The following STS variants were observed in gnomAD, a reference collection of about 807,000 sequenced individuals.
The protein encoded by STS is steroid sulfatase.
In STS, 7 loss-of-function variants were observed where a neutral mutation model predicts 26.8. The observed-to-expected ratio is 0.26, with a 90% confidence interval of 0.15 to 0.49. The LOEUF is 0.49. Ranked by LOEUF, STS falls within the 20% of genes least tolerant of loss-of-function variation. STS has a pLI of 0.98. For missense variants in STS, 434 were observed against 465.6 expected, an observed-to-expected ratio of 0.93 and a Z score of 0.63; for synonymous variants, 199 against 189.4, an observed-to-expected ratio of 1.05 and a Z score of -0.42.
chrX:7,257,454 T>C lies in STS; in HGVS notation c.260-12T>C. ...CTCCTGGTTCCTAAGGGTTGATTTTTTCCTGGTCCAGGAATGGCATCTTGG... is the reference window on the plus strand; with the variant it reads ...CTCCTGGTTCCTAAGGGTTGATTTTCTCCTGGTCCAGGAATGGCATCTTGG... On this transcript the variant is annotated splice_polypyrimidine_tract_variant and intron_variant, in intron 4 of 10. Transcript: ENST00000674429. The C allele has an allele frequency of 3.3e-6, 4 of 1,212,349 alleles. No individual in the cohort carries two copies. Among genetic ancestry groups the C allele is most frequent in the Non-Finnish European group, 4.5e-6 (4 of 895,549 alleles).
intron 8 of STS, among the ~76,000 whole-genome samples, chrX:7,320,591 G>A (rs1486558802): frequency 8.9e-6 from 1 of 111,811 alleles, no homozygotes; most frequent in Non-Finnish European, 1.9e-5. Context: ...GAGTTTGATC[G>A]AGTAGCAGGA....
intron 7 of STS, among the ~76,000 whole-genome samples, chrX:7,301,503 T>C (rs1184230034): frequency 1.8e-5 from 2 of 111,811 alleles, no homozygotes; most frequent in Admixed American, 9.5e-5. Context: ...TTCCTTATTA[T>C]ATATATTATG....
chrX:7,215,140 T>C (rs748087925), intron 2 of STS, among the ~76,000 whole-genome samples: 3,595 of 58,541 alleles, frequency 0.061, 100 homozygotes, highest in African/African-American at 0.14. Context: ...CACACACACA[T>C]ATATATATAT....
chrX:7,339,134 C>G (rs1348639488), intron 10 of STS, among the ~76,000 whole-genome samples: 7 of 112,096 alleles, frequency 6.2e-5, no homozygotes, highest in African/African-American at 1.9e-4. Context: ...AAGAAATTCT[C>G]ATAACAGCCA....
intron 2 of STS, chrX:7,219,311 T>A: frequency 2.8e-6 from 2 of 719,610 alleles, no homozygotes; most frequent in Non-Finnish European, 3.6e-6. Flanking sequence ...TCAGATTGTG[T>A]CTGCATTTAT....
At chrX:7,221,325 T>C (rs1457957821) in intron 2 of STS, among the ~76,000 whole-genome samples, 1 of 112,550 alleles carries the variant, frequency 8.9e-6, no homozygotes, top group African/African-American at 3.2e-5. Flanking sequence ...TGATAGTCGA[T>C]TCATACAAAT....
rs899889673 is a variant in STS at position 7,205,747 on chromosome X, G to A, written c.-5+14739G>A. Among the ~76,000 whole-genome samples the A allele has an allele frequency of 4.7e-5, 5 of 106,538 alleles. 1 individual carries two copies. The East Asian group carries it at 8.8e-4, about 19-fold the overall frequency. The allele number at this position is 106,538 out of a possible 115,157, so 92.5% of individuals were successfully genotyped here. On this transcript the variant is annotated intron_variant, in intron 2 of 10. Coordinates refer to ENST00000674429, the MANE Select transcript of STS (RefSeq NM_001320752.2). ...AGCAATCTCTTCCTCCTGGGCTCAA[G>A]TGGTCCTCTCACACACCACCACCAT...
chrX:7,215,538 G>A (rs936049342), intron 2 of STS, among the ~76,000 whole-genome samples: 1 of 110,948 alleles, frequency 9.0e-6, no homozygotes, highest in Non-Finnish European at 1.9e-5. Context: ...GCCTGGATTG[G>A]AATCTTTCCT....
chrX:7,249,844 T>C (rs1303152162), intron 2 of STS, among the ~76,000 whole-genome samples: 1 of 111,589 alleles, frequency 9.0e-6, no homozygotes, highest in African/African-American at 3.3e-5. Flanking sequence ...ACCTGAATAT[T>C]ATATGAATGT....
chrX:7,337,107 G>A (rs777285073), intron 10 of STS, among the ~76,000 whole-genome samples: 91 of 112,013 alleles, frequency 8.1e-4, no homozygotes, highest in African/African-American at 2.8e-3. Context: ...AAAACAAGAC[G>A]TTTATGAATC....
chrX:7,217,473 C>T (rs1229271488), intron 2 of STS, among the ~76,000 whole-genome samples: 2 of 111,826 alleles, frequency 1.8e-5, no homozygotes, highest in Non-Finnish European at 3.8e-5. Context: ...TCAACACCTT[C>T]CCTCCTGAGC....
At chrX:7,219,910 T>C (rs1433811337) in intron 2 of STS, among the ~76,000 whole-genome samples, 1 of 112,633 alleles carries the variant, frequency 8.9e-6, no homozygotes, top group African/African-American at 3.2e-5. Context: ...ATGCGGCTAA[T>C]TAGTGACATG....
intron 6 of STS, among the ~76,000 whole-genome samples, chrX:7,261,524 A>C (rs1356120414): frequency 9.0e-6 from 1 of 111,729 alleles, no homozygotes; most frequent in Non-Finnish European, 1.9e-5. Flanking sequence ...TACTCTATGA[A>C]AATTATGTTG....
At chrX:7,333,857 C>A in intron 9 of STS, 129 bp from the exon 10 acceptor site, 1 of 915,833 alleles carries the variant, frequency 1.1e-6, no homozygotes, top group Non-Finnish European at 1.5e-6. Flanking sequence ...TTGCACAGGG[C>A]ACCCAGGTGG....
chrX:7,264,268 C>T lies in STS; in HGVS notation c.806+4496C>T, dbSNP rs192746266. Reference sequence around the variant, plus strand: ...TCGGATTCTGCTCACAGCAAAATGGCATGGTGAAGGATGTCGTGCAATTCC... The same window carrying T: ...TCGGATTCTGCTCACAGCAAAATGGTATGGTGAAGGATGTCGTGCAATTCC... On this transcript the variant is annotated intron_variant, in intron 6 of 10. Coordinates refer to ENST00000674429, the MANE Select transcript of STS (RefSeq NM_001320752.2). Among the ~76,000 whole-genome samples the T allele has an allele frequency of 1.5e-3, 170 of 112,284 alleles. 1 individual carries two copies. Among genetic ancestry groups the T allele is most frequent in the Non-Finnish European group, 2.3e-3 (120 of 53,261 alleles).
At chrX:7,322,875 C>G (rs1250495498) in intron 8 of STS, among the ~76,000 whole-genome samples, 2 of 112,085 alleles carry the variant, frequency 1.8e-5, no homozygotes, top group Admixed American at 1.9e-4. Flanking sequence ...ACATTCTGAT[C>G]CACTCTGAAC....
chrX:7,325,640 C>A, intron 9 of STS, 142 bp downstream of exon 9: 1 of 677,906 alleles, frequency 1.5e-6, no homozygotes, highest in South Asian at 2.3e-5. Flanking sequence ...TGAGGCAGGT[C>A]AATTAATAGG....
At position 7,257,254 on chromosome X, in the gene STS, C is replaced by T. The variant is rs751973801; in HGVS notation, c.150C>T (p.Ile50=). The T allele has an allele frequency of 1.3e-4, 154 of 1,209,683 alleles. No homozygotes were observed. Among genetic ancestry groups the T allele is most frequent in the African/African-American group, 1.7e-4 (10 of 57,469 alleles). The change falls in exon 4 of 11, where the codon ATC becomes ATT. Residue 50 remains isoleucine (I), a synonymous_variant. Coordinates refer to ENST00000674429, the MANE Select transcript of STS (RefSeq NM_001320752.2). ...TCTTTTGTTCTAGGACTCCCAATATCGACCGGTTGGCCAGTGGGGGAGTGA... is the reference window on the plus strand; with the variant it reads ...TCTTTTGTTCTAGGACTCCCAATATTGACCGGTTGGCCAGTGGGGGAGTGA... The part of the protein sequence containing the change: ...YGNKTIRTPN[I]DRLASGGVKL...
At chrX:7,307,780 G>A (rs1926288952) in intron 8 of STS, among the ~76,000 whole-genome samples, 1 of 111,868 alleles carries the variant, frequency 8.9e-6, no homozygotes, top group Non-Finnish European at 1.9e-5. Flanking sequence ...AACAAAGAAT[G>A]TCAGTCAGAG....
Sources: gnomAD v4.1 joint callset for allele counts (sites outside exome capture counted in the v4.1 genomes callset) on GRCh38, gnomAD v4.1.1 for gene constraint, MANE v1.5 for transcripts, NCBI Gene and HGNC (gene_info 2026-07-23, HGNC 2026-07-21) for gene names.